Variants in GNG7 observed in about 807,000 individuals in gnomAD.
The protein encoded by GNG7 is G protein subunit gamma 7, also known as guanine nucleotide-binding protein G(I)/G(S)/G(O) subunit gamma-7.
Under a neutral mutation model 4.0 loss-of-function variants are expected in GNG7, and 1 was observed. The ratio of observed to expected loss-of-function variants is 0.25; its 90% CI spans 0.09 to 1.18. The LOEUF is 1.18. Among genes scored for constraint, GNG7 ranks in the 50% most tolerant of loss-of-function variants. The pLI is 0.50. For missense variants in GNG7, 86 were observed against 91.9 expected (o/e 0.94, Z 0.26); for synonymous variants, 34 against 36.9 (o/e 0.92, Z 0.29).
chr19:2,568,623 A>G (rs1980032281), intron 2 of GNG7, among the ~76,000 whole-genome samples: 1 of 149,194 alleles, frequency 6.7e-6, no homozygotes, highest in Admixed American at 6.9e-5. Context: ...ATATACACAT[A>G]CACACATATA....
chr19:2,620,077 T>G, intron 2 of GNG7, among the ~76,000 whole-genome samples: 1 of 151,458 alleles, frequency 6.6e-6, no homozygotes, highest in East Asian at 1.9e-4. Context: ...CGCGCCTGTA[T>G]TCGCAGCTAC....
rs1448217548 is a variant in GNG7, at chr19:2,626,818, G to A, written c.-78+19406C>T. Among the ~76,000 whole-genome samples, 1 of 152,164 alleles carries A rather than the reference G, an allele frequency of 6.6e-6. No individual in the cohort carries two copies. The highest frequency in any genetic ancestry group is 1.5e-5 in the Non-Finnish European group (1 of 68,022). On this transcript the variant is annotated intron_variant, in intron 2 of 4. Coordinates refer to ENST00000382159, the MANE Select transcript of GNG7 (RefSeq NM_052847.3). This position sits in a 1 kb window ranked among gnomAD's most constrained non-coding sequence, Gnocchi z 5.0. ...TTCCCTCACATCGGTCCATGCTCCT[G>A]GCATGGAGTGGGTGGAGGCCAGGGA...
intron 3 of GNG7, among the ~76,000 whole-genome samples, chr19:2,541,454 G>C (rs1978959214): frequency 6.6e-6 from 1 of 151,100 alleles, no homozygotes; most frequent in African/African-American, 2.4e-5. Flanking sequence ...AAAAATCAAG[G>C]CCGGGGGCAG....
At chr19:2,640,349 A>C (rs1404157299) in intron 2 of GNG7, among the ~76,000 whole-genome samples, 1 of 152,096 alleles carries the variant, frequency 6.6e-6, no homozygotes, top group South Asian at 2.1e-4. Flanking sequence ...CACATTATAA[A>C]ATCATTTTTA....
chr19:2,607,624 G>A (rs1456654289), intron 2 of GNG7, among the ~76,000 whole-genome samples: 3 of 151,434 alleles, frequency 2.0e-5, no homozygotes, highest in East Asian at 3.9e-4. Flanking sequence ...TATTAGGATG[G>A]GGCAAGCTAA....
At chr19:2,594,685 T>C (rs1980961921) in intron 2 of GNG7, among the ~76,000 whole-genome samples, 2 of 152,138 alleles carry the variant, frequency 1.3e-5, no homozygotes, top group Admixed American at 1.3e-4. Context: ...CTCTAATCAC[T>C]GAAGCTTTCT....
intron 3 of GNG7, among the ~76,000 whole-genome samples, chr19:2,540,562 G>A (rs1279878108): frequency 2.0e-5 from 3 of 152,240 alleles, no homozygotes; most frequent in African/African-American, 7.2e-5. Flanking sequence ...GAATCCAGGT[G>A]TCCTGGGCTG....
rs189977822 is a variant in GNG7 at position 2,664,188 on chromosome 19, T to C, written c.-134-17908A>G. On this transcript the variant is annotated intron_variant, in intron 1 of 4. Transcript: ENST00000382159. Reference sequence around the variant, plus strand: ...CCCCCTTCCCTTCCCACGCTGACATTCTGCCAGCACGTGGCAGGGGCGTCT... The same window carrying C: ...CCCCCTTCCCTTCCCACGCTGACATCCTGCCAGCACGTGGCAGGGGCGTCT... Among the ~76,000 whole-genome samples the C allele has an allele frequency of 4.0e-3, 609 of 152,218 alleles. 7 individuals carry two copies. The highest frequency in any genetic ancestry group is 0.014 in the African/African-American group (574 of 41,526).
chr19:2,551,042 G>A (rs1979301809), intron 3 of GNG7, among the ~76,000 whole-genome samples: 1 of 152,146 alleles, frequency 6.6e-6, no homozygotes, highest in Admixed American at 6.6e-5. Flanking sequence ...AATCCCCACG[G>A]CACGTGGCCA....
intron 2 of GNG7, among the ~76,000 whole-genome samples, chr19:2,635,954 C>G (rs4591279): frequency 0.87 from 133,083 of 152,224 alleles, 58,505 homozygotes; most frequent in East Asian, 0.98. Context: ...TCACAACTGG[C>G]GGGTGCACCT....
intron 2 of GNG7, among the ~76,000 whole-genome samples, chr19:2,625,452 G>A (rs1051561531): frequency 3.0e-4 from 46 of 151,890 alleles, no homozygotes; most frequent in African/African-American, 1.0e-3. Context: ...GGCCTCAAGC[G>A]ATCTTCCCAT....
intron 2 of GNG7, among the ~76,000 whole-genome samples, chr19:2,645,299 C>T (rs1035503301): frequency 1.3e-5 from 2 of 148,506 alleles, no homozygotes; most frequent in African/African-American, 5.0e-5. Context: ...AGCGCAGTGG[C>T]ATGATCTTGG....
At chr19:2,602,201 G>C (rs1981219322) in intron 2 of GNG7, among the ~76,000 whole-genome samples, 1 of 152,192 alleles carries the variant, frequency 6.6e-6, no homozygotes, top group Admixed American at 6.5e-5. Context: ...GCCGGGCGTG[G>C]TGGTGCACGC....
intron 1 of GNG7, among the ~76,000 whole-genome samples, chr19:2,685,530 C>T (rs1042487201): frequency 4.6e-5 from 7 of 151,992 alleles, no homozygotes; most frequent in African/African-American, 1.7e-4. Flanking sequence ...GAGGTTGAGA[C>T]AGGAGGATGG....
chr19:2,572,471 C>T (rs565402054), intron 2 of GNG7, among the ~76,000 whole-genome samples: 7 of 152,110 alleles, frequency 4.6e-5, no homozygotes, highest in South Asian at 2.1e-4. Context: ...CTCGCTCTGT[C>T]GCCAGGCTGG....
At chr19:2,591,637 G>A (rs1450639399) in intron 2 of GNG7, among the ~76,000 whole-genome samples, 2 of 151,872 alleles carry the variant, frequency 1.3e-5, no homozygotes, top group Non-Finnish European at 2.9e-5. Context: ...TTAGGATGGA[G>A]GAGAGCCACA....
chr19:2,668,036 T>A (rs1983353900), intron 1 of GNG7, among the ~76,000 whole-genome samples: 1 of 152,032 alleles, frequency 6.6e-6, no homozygotes, highest in South Asian at 2.1e-4. Context: ...ACTGAGGAAA[T>A]CTGAACAGAG....
chr19:2,531,537 C>T lies in GNG7; in HGVS notation c.-37-10812G>A, dbSNP rs62121680. Among the ~76,000 whole-genome samples the T allele has an allele frequency of 5.3e-3, 801 of 151,960 alleles. 7 individuals are homozygous for T. The highest frequency in any genetic ancestry group is 9.2e-3 in the Non-Finnish European group (625 of 67,952). The stretch of plus-strand genomic sequence containing the variant: ...CTACATGCAAATCCGCAATACAGGC[C>T]GGGCGCGGTGGCTCACGAGGTCAGG... On this transcript the variant is annotated intron_variant, in intron 3 of 4. Transcript: ENST00000382159.
At chr19:2,547,163 C>T (rs1291592168) in intron 3 of GNG7, among the ~76,000 whole-genome samples, 1 of 151,658 alleles carries the variant, frequency 6.6e-6, no homozygotes, top group Non-Finnish European at 1.5e-5. Flanking sequence ...CATCTATGCA[C>T]AGCCAGGCTG....
Sources: gnomAD v4.1 joint callset for allele counts (sites outside exome capture counted in the v4.1 genomes callset) on GRCh38, gnomAD v4.1.1 for gene constraint, Gnocchi (gnomAD v3.1) non-coding constraint, MANE v1.5 for transcripts, NCBI Gene and HGNC (gene_info 2026-07-23, HGNC 2026-07-21) for gene names.